The following ANK3 variants were observed in gnomAD, a reference collection of about 807,000 sequenced individuals.
ANK3 encodes ankyrin 3.
Under a neutral mutation model 370.9 loss-of-function variants are expected in ANK3, and 57 were observed. The observed-to-expected ratio is 0.15, with a 90% confidence interval of 0.12 to 0.19. The LOEUF is 0.19. ANK3 is among the 10% of genes least tolerant of loss of function. ANK3 has a pLI of 1.00. For missense variants in ANK3, 4,439 were observed against 5,302.1 expected, an observed-to-expected ratio of 0.84 and a Z score of 5.06; for synonymous variants, 1,929 against 1,946.3, an observed-to-expected ratio of 0.99 and a Z score of 0.23.
intron 1 of ANK3, among the ~76,000 whole-genome samples, chr10:60,709,917 T>C (rs1243236157): frequency 2.6e-5 from 4 of 152,186 alleles, no homozygotes; most frequent in Admixed American, 2.6e-4. Flanking sequence ...TATCATAGGT[T>C]TACAACATCT....
intron 8 of ANK3, among the ~76,000 whole-genome samples, chr10:60,215,436 G>T (rs1351324896): frequency 6.6e-6 from 1 of 152,076 alleles, no homozygotes; most frequent in South Asian, 2.1e-4. Context: ...CTTTGCCCAT[G>T]CCTACGTGCT....
At chr10:60,688,101 CT>C (rs1181222155) in intron 1 of ANK3, among the ~76,000 whole-genome samples, 5 of 151,620 alleles carry the variant, frequency 3.3e-5, no homozygotes, top group Admixed American at 3.3e-4. Context: ...TTTTTGAGAC[CT>C]TTCCTTACCC....
At position 60,217,865 on chromosome 10, in the gene ANK3, C is replaced by T. The variant is rs147946948; in HGVS notation, c.898-4355G>A. ...TACTGAGAATGGGATGTTAAAGTCT[C>T]CCACTATTATGGTGTGGGAGTTTAG... On this transcript the variant is annotated intron_variant, in intron 8 of 43. Coordinates refer to ENST00000280772, the MANE Select transcript of ANK3 (RefSeq NM_020987.5). Among the ~76,000 whole-genome samples the T allele has an allele frequency of 2.4e-4, 36 of 152,218 alleles. No homozygotes were observed. In the East Asian group the frequency reaches 6.6e-3, roughly 28 times the overall value.
intron 1 of ANK3, among the ~76,000 whole-genome samples, chr10:60,280,842 C>A (rs1312342118): frequency 1.3e-5 from 2 of 152,200 alleles, no homozygotes; most frequent in Non-Finnish European, 1.5e-5. Context: ...CCAGACCCCC[C>A]AGGTGGAGTT....
intron 18 of ANK3, among the ~76,000 whole-genome samples, chr10:60,177,775 T>C (rs1227114836): frequency 1.3e-5 from 2 of 151,838 alleles, no homozygotes; most frequent in Non-Finnish European, 2.9e-5. Context: ...TTTCTTTGTA[T>C]TGTTTTAGTA....
chr10:60,304,416 G>A (rs1264793453), intron 1 of ANK3, among the ~76,000 whole-genome samples: 1 of 152,056 alleles, frequency 6.6e-6, no homozygotes, highest in Non-Finnish European at 1.5e-5. Context: ...GCTGAGGTGG[G>A]TGTATCACCT....
At position 60,109,014 on chromosome 10, in the gene ANK3, T is replaced by C. The variant is rs747384432; in HGVS notation, c.2989A>G (p.Met997Val). The part of the protein sequence containing the change: ...SFMVDARGGS[M>V]RGSRHHGMRI... ...ATCCCGTGATGACGGCTTCCTCTCA[T>C]GGAGCCCCCTCTCGCGTCCACCATA... Residue 997 changes from methionine (M) to valine (V), a missense_variant, in exon 27 of 44, where the codon ATG becomes GTG. Transcript: ENST00000280772. 1.9e-6 allele frequency: 3 copies of C among 1,613,818 alleles called. No homozygotes were observed. The highest frequency in any genetic ancestry group is 3.3e-5 in the Admixed American group (2 of 60,012).
chr10:60,295,561 C>T (rs1319148738), intron 1 of ANK3, among the ~76,000 whole-genome samples: 1 of 152,116 alleles, frequency 6.6e-6, no homozygotes, highest in Non-Finnish European at 1.5e-5. Context: ...CCTCATTTGC[C>T]CAGTGCTTTC....
intron 16 of ANK3, among the ~76,000 whole-genome samples, chr10:60,190,254 A>C (rs915024047): frequency 6.6e-6 from 1 of 152,208 alleles, no homozygotes; most frequent in Admixed American, 6.5e-5. Context: ...TCTGATGATG[A>C]GTTAACATTG....
chr10:60,589,665 T>C (rs2077882984), intron 2 of ANK3, among the ~76,000 whole-genome samples: 1 of 152,100 alleles, frequency 6.6e-6, no homozygotes, highest in East Asian at 1.9e-4. Flanking sequence ...ACAAAACTGG[T>C]TTAAAGAAAA....
At chr10:60,568,073 GACA>G (rs2077505435) in intron 2 of ANK3, among the ~76,000 whole-genome samples, 1 of 152,158 alleles carries the variant, frequency 6.6e-6, no homozygotes, top group African/African-American at 2.4e-5. Flanking sequence ...TTGTTGAAAT[GACA>G]ACAAAATATT....
chr10:60,450,965 T>C (rs1333097625), intron 2 of ANK3, among the ~76,000 whole-genome samples: 1 of 152,136 alleles, frequency 6.6e-6, no homozygotes. Flanking sequence ...TCTTTGCAGA[T>C]GTAATTAAGG....
intron 2 of ANK3, among the ~76,000 whole-genome samples, chr10:60,509,990 T>G (rs1247748533): frequency 6.6e-6 from 1 of 152,090 alleles, no homozygotes; most frequent in African/African-American, 2.4e-5. Flanking sequence ...AGTTACCATC[T>G]CTCATTTTTT....
chr10:60,475,078 A>T (rs575641072), intron 2 of ANK3, among the ~76,000 whole-genome samples: 8 of 152,312 alleles, frequency 5.3e-5, no homozygotes, highest in African/African-American at 1.9e-4. Context: ...TCAGAAATTT[A>T]AATAAAATTT....
rs534629000 is a variant in ANK3 at position 60,377,738 on chromosome 10, C to T, written c.114+11687G>A. On this transcript the variant is annotated intron_variant, in intron 1 of 43. Transcript: ENST00000280772. ...CAGAATAAAGGCCAGGGGCAGGGTG[C>T]CTTAGAGTCTGATAGCCATGGCTTC... Among the ~76,000 whole-genome samples, 19 of 152,218 alleles carry T rather than the reference C, an allele frequency of 1.2e-4. No individual in the cohort carries two copies. In the South Asian group the frequency reaches 3.3e-3, roughly 27 times the overall value.
At chr10:60,114,001 A>T (rs2092907955) in intron 26 of ANK3, among the ~76,000 whole-genome samples, 1 of 144,772 alleles carries the variant, frequency 6.9e-6, no homozygotes. Flanking sequence ...TAATTTCATT[A>T]TTTTTCTAAC....
chr10:60,448,981 C>T (rs2064524983), intron 2 of ANK3, among the ~76,000 whole-genome samples: 1 of 152,146 alleles, frequency 6.6e-6, no homozygotes, highest in African/African-American at 2.4e-5. Flanking sequence ...TCATTCATAA[C>T]AAATGTCTCA....
At chr10:60,443,898 G>A (rs536937053) in intron 2 of ANK3, among the ~76,000 whole-genome samples, 15 of 151,950 alleles carry the variant, frequency 9.9e-5, no homozygotes, top group Non-Finnish European at 1.8e-4. Flanking sequence ...GCTTATTTGG[G>A]AGCCCATGTC....
intron 42 of ANK3, chr10:60,043,409 C>A: frequency 1.0e-6 from 1 of 983,352 alleles, no homozygotes; most frequent in Non-Finnish European, 1.2e-6. Flanking sequence ...TAAACATTGT[C>A]TATTGAAGTT....
Sources: gnomAD v4.1 joint callset for allele counts (sites outside exome capture counted in the v4.1 genomes callset) on GRCh38, gnomAD v4.1.1 for gene constraint, MANE v1.5 for transcripts, NCBI Gene and HGNC (gene_info 2026-07-23, HGNC 2026-07-21) for gene names.